DRC11: variants seen among roughly 807,000 people sequenced by gnomAD.
The protein encoded by DRC11 is dynein regulatory complex subunit 11, also known as IQ and AAA domain-containing protein 1.
chr2:236,409,504 T>G, the DRC11 span, among the ~76,000 whole-genome samples: 1 of 152,142 alleles, frequency 6.6e-6, no homozygotes, highest in Non-Finnish European at 1.5e-5. Flanking sequence ...TAAAGAGATT[T>G]TGGGCTGAGA....
the DRC11 span, among the ~76,000 whole-genome samples, chr2:236,308,990 C>T: frequency 2.0e-5 from 3 of 152,336 alleles, no homozygotes; most frequent in Admixed American, 2.0e-4. This position sits in a 1 kb window ranked among gnomAD's most constrained non-coding sequence, Gnocchi z 6.0. Context: ...TGGGGTCCAC[C>T]TTTAAGCCAA....
At chr2:236,440,981 A>G in the DRC11 span, 3 of 1,045,582 alleles carry the variant, frequency 2.9e-6, no homozygotes, top group Admixed American at 2.2e-5. Flanking sequence ...CATTAATTTT[A>G]AAGTTTAAAG....
chr2:236,322,220 T>TTCTTTCC, the DRC11 span, among the ~76,000 whole-genome samples: 1 of 150,278 alleles, frequency 6.7e-6, no homozygotes, highest in Non-Finnish European at 1.5e-5. Context: ...CTTTTCATGT[T>TTCTTTCC]TCTTTCCTCT....
chr2:236,477,011 G>A, the DRC11 span, among the ~76,000 whole-genome samples: 2,939 of 152,076 alleles, frequency 0.019, 95 homozygotes, highest in African/African-American at 0.066. Flanking sequence ...TGGTTTTTTA[G>A]TGTTTTGTTG....
the DRC11 span, among the ~76,000 whole-genome samples, chr2:236,370,110 G>A: frequency 1.3e-5 from 2 of 152,168 alleles, no homozygotes; most frequent in Non-Finnish European, 2.9e-5. The surrounding 1 kb of genome is among the most constrained non-coding windows in gnomAD (Gnocchi z 5.5). Context: ...CAGGACTGGT[G>A]TCCTTATAAA....
At chr2:236,387,524 C>A in the DRC11 span, among the ~76,000 whole-genome samples, 99 of 152,016 alleles carry the variant, frequency 6.5e-4, no homozygotes, top group Non-Finnish European at 1.2e-3. Context: ...GGTAGATCTT[C>A]CTCCATCCTT....
the DRC11 span, among the ~76,000 whole-genome samples, chr2:236,444,218 C>T: frequency 4.6e-5 from 7 of 152,140 alleles, no homozygotes; most frequent in African/African-American, 7.2e-5. Context: ...TCAATTTTTG[C>T]TTTTGTTGCA....
the DRC11 span, among the ~76,000 whole-genome samples, chr2:236,438,982 G>A: frequency 4.7e-5 from 7 of 148,330 alleles, no homozygotes; most frequent in Admixed American, 3.4e-4. Flanking sequence ...GGTACATAAC[G>A]AAATGAAGGC....
the DRC11 span, chr2:236,380,526 G>T: frequency 6.8e-7 from 1 of 1,468,114 alleles, no homozygotes; most frequent in Non-Finnish European, 9.3e-7. The surrounding 1 kb of genome is among the most constrained non-coding windows in gnomAD (Gnocchi z 4.9). Context: ...CTGTTCTCTG[G>T]GGCTGCTCAC....
chr2:236,394,414 C>T, the DRC11 span, among the ~76,000 whole-genome samples: 4 of 152,038 alleles, frequency 2.6e-5, no homozygotes, highest in African/African-American at 4.8e-5. The surrounding 1 kb of genome is among the most constrained non-coding windows in gnomAD (Gnocchi z 7.0). Flanking sequence ...GGGCAGATCC[C>T]GAGATCAGGA....
the DRC11 span, among the ~76,000 whole-genome samples, chr2:236,443,991 T>G: frequency 6.6e-6 from 1 of 152,156 alleles, no homozygotes; most frequent in Non-Finnish European, 1.5e-5. The surrounding 1 kb of genome is among the most constrained non-coding windows in gnomAD (Gnocchi z 4.4). Context: ...TTTTTTTTTT[T>G]TTTGAGAAGT....
At chr2:236,348,699 T>A in the DRC11 span, among the ~76,000 whole-genome samples, 1 of 152,204 alleles carries the variant, frequency 6.6e-6, no homozygotes, top group South Asian at 2.1e-4. This position sits in a 1 kb window ranked among gnomAD's most constrained non-coding sequence, Gnocchi z 7.4. Context: ...TGGGGTGTTG[T>A]CTGGCGTTAG....
the DRC11 span, among the ~76,000 whole-genome samples, chr2:236,499,741 C>A: frequency 6.6e-6 from 1 of 152,156 alleles, no homozygotes; most frequent in Non-Finnish European, 1.5e-5. The surrounding 1 kb of genome is among the most constrained non-coding windows in gnomAD (Gnocchi z 4.7). Context: ...CCTGCATTTT[C>A]TTGGTATCTC....
At chr2:236,497,512 T>A in the DRC11 span, 6 of 1,522,658 alleles carry the variant, frequency 3.9e-6, no homozygotes, top group Non-Finnish European at 5.4e-6. The surrounding 1 kb of genome is among the most constrained non-coding windows in gnomAD (Gnocchi z 5.1). Context: ...AGAATTTAGA[T>A]GATACAGTAA....
the DRC11 span, chr2:236,338,412 AT>A: frequency 6.4e-7 from 1 of 1,569,244 alleles, no homozygotes; most frequent in South Asian, 1.2e-5. Flanking sequence ...ATTGGTCCAC[AT>A]ATAGAAAAAA....
At chr2:236,350,022 G>C in the DRC11 span, among the ~76,000 whole-genome samples, 1 of 152,222 alleles carries the variant, frequency 6.6e-6, no homozygotes, top group Admixed American at 6.5e-5. This position sits in a 1 kb window ranked among gnomAD's most constrained non-coding sequence, Gnocchi z 5.2. Context: ...TCTCAACCCA[G>C]ATGGGAATTG....
At chr2:236,466,444 G>A in the DRC11 span, among the ~76,000 whole-genome samples, 9 of 152,238 alleles carry the variant, frequency 5.9e-5, no homozygotes, top group Admixed American at 1.3e-4. Flanking sequence ...TTGCACTGCC[G>A]TAAAAGAATA....
At chr2:236,388,150 T>C in the DRC11 span, among the ~76,000 whole-genome samples, 1 of 152,114 alleles carries the variant, frequency 6.6e-6, no homozygotes, top group Non-Finnish European at 1.5e-5. Context: ...TTGGAGTTGC[T>C]CTTCTCGAGG....
the DRC11 span, among the ~76,000 whole-genome samples, chr2:236,446,366 C>G: frequency 1.3e-5 from 2 of 152,164 alleles, no homozygotes; most frequent in Non-Finnish European, 2.9e-5. This position sits in a 1 kb window ranked among gnomAD's most constrained non-coding sequence, Gnocchi z 6.2. Context: ...CTGGTGCAAA[C>G]AGATGGGGTC....
Sources: gnomAD v4.1 joint callset for allele counts (sites outside exome capture counted in the v4.1 genomes callset) on GRCh38, gnomAD v4.1.1 for gene constraint, Gnocchi (gnomAD v3.1) non-coding constraint, MANE v1.5 for transcripts, NCBI Gene and HGNC (gene_info 2026-07-23, HGNC 2026-07-21) for gene names.